The following CPQ variants were observed in gnomAD, a reference collection of about 807,000 sequenced individuals.
CPQ encodes carboxypeptidase Q, also known as Ser-Met dipeptidase.
In CPQ, 37 loss-of-function variants were observed where a neutral mutation model predicts 45.7. The ratio of observed to expected loss-of-function variants is 0.81; its 90% CI spans 0.62 to 1.07. The LOEUF (loss-of-function observed/expected upper bound fraction) is 1.07, where lower values mean the gene tolerates loss of function less well. Ranked by LOEUF, CPQ falls within the 50% of genes least tolerant of loss-of-function variation. The pLI is 0.00. For missense variants in CPQ, 537 were observed against 572.9 expected (o/e 0.94, Z 0.64); for synonymous variants, 186 against 205.8 (o/e 0.90, Z 0.82).
chr8:96,650,065 C>T (rs1317166929), intron 1 of CPQ, among the ~76,000 whole-genome samples: 1 of 152,222 alleles, frequency 6.6e-6, no homozygotes, highest in Non-Finnish European at 1.5e-5. Context: ...GAAATTTGAG[C>T]TGGCGCTTCC....
At chr8:96,759,967 C>G (rs1003897412) in intron 1 of CPQ, among the ~76,000 whole-genome samples, 1 of 152,200 alleles carries the variant, frequency 6.6e-6, no homozygotes, top group East Asian at 1.9e-4. Context: ...GGTTACGTAA[C>G]TTGGTCCAAG....
chr8:96,672,442 A>G (rs897685122), intron 1 of CPQ, among the ~76,000 whole-genome samples: 1 of 152,202 alleles, frequency 6.6e-6, no homozygotes, highest in African/African-American at 2.4e-5. Flanking sequence ...TGGATAAATT[A>G]ATTTTATAGC....
At chr8:97,128,871 G>A (rs577242447) in intron 7 of CPQ, among the ~76,000 whole-genome samples, 1 of 152,300 alleles carries the variant, frequency 6.6e-6, no homozygotes, top group South Asian at 2.1e-4. Context: ...ATTAGATGAT[G>A]GTTGGACTAG....
chr8:96,743,299 G>A (rs931294102), intron 1 of CPQ, among the ~76,000 whole-genome samples: 2 of 151,462 alleles, frequency 1.3e-5, no homozygotes, highest in African/African-American at 4.9e-5. Flanking sequence ...TCTTCACGTA[G>A]TTCTCGAGCC....
At chr8:96,968,168 T>C (rs1401827325) in intron 5 of CPQ, among the ~76,000 whole-genome samples, 1 of 152,214 alleles carries the variant, frequency 6.6e-6, no homozygotes, top group Non-Finnish European at 1.5e-5. Context: ...TAAAATATCC[T>C]TTCCCTTTAC....
intron 4 of CPQ, among the ~76,000 whole-genome samples, chr8:96,880,955 A>G (rs186902583): frequency 1.1e-3 from 172 of 152,300 alleles, no homozygotes; most frequent in Non-Finnish European, 1.9e-3. Flanking sequence ...TGACTGAAGA[A>G]GGGCAGGAGT....
intron 5 of CPQ, 165 bp downstream of exon 5, chr8:96,966,211 TA>T: frequency 3.8e-6 from 2 of 523,156 alleles, no homozygotes; most frequent in East Asian, 6.3e-5. Flanking sequence ...AAGAAATTTT[TA>T]TTCATGTGTA....
intron 1 of CPQ, among the ~76,000 whole-genome samples, chr8:96,734,862 A>T (rs943659679): frequency 6.6e-6 from 1 of 151,878 alleles, no homozygotes; most frequent in Non-Finnish European, 1.5e-5. Context: ...CTATTTATCT[A>T]CTACTCCTTC....
At chr8:96,768,812 C>T (rs866726901) in intron 1 of CPQ, among the ~76,000 whole-genome samples, 21 of 151,988 alleles carry the variant, frequency 1.4e-4, no homozygotes, top group Non-Finnish European at 2.2e-4. Context: ...TTAGTGTTTA[C>T]GGGAAGGGGA....
chr8:96,724,525 A>ACACACACC (rs1040690569), intron 1 of CPQ, among the ~76,000 whole-genome samples: 1 of 142,682 alleles, frequency 7.0e-6, no homozygotes, highest in African/African-American at 2.6e-5. Flanking sequence ...ACACACACAC[A>ACACACACC]CCCCTAGGAA....
At chr8:96,771,930 A>G (rs187042915) in intron 1 of CPQ, among the ~76,000 whole-genome samples, 16 of 152,132 alleles carry the variant, frequency 1.1e-4, no homozygotes, top group African/African-American at 3.6e-4. Flanking sequence ...GGGTTCAAAC[A>G]TGGATTCTAC....
intron 1 of CPQ, among the ~76,000 whole-genome samples, chr8:96,758,675 AT>A (rs1810358259): frequency 1.3e-5 from 2 of 152,176 alleles, no homozygotes; most frequent in Non-Finnish European, 2.9e-5. Context: ...TAAGCTAGGC[AT>A]CTCAAGTAGC....
intron 6 of CPQ, among the ~76,000 whole-genome samples, chr8:97,065,679 C>T (rs1375517373): frequency 6.6e-6 from 1 of 152,176 alleles, no homozygotes; most frequent in African/African-American, 2.4e-5. Flanking sequence ...TATACTGGAA[C>T]ACAGTGAACA....
At chr8:96,773,781 T>A (rs1810575044) in intron 1 of CPQ, among the ~76,000 whole-genome samples, 1 of 152,172 alleles carries the variant, frequency 6.6e-6, no homozygotes, top group African/African-American at 2.4e-5. Flanking sequence ...GCCTCTAGGA[T>A]GGCACCCTGT....
At chr8:96,846,088 G>T (rs146513184) in intron 3 of CPQ, among the ~76,000 whole-genome samples, 7 of 152,182 alleles carry the variant, frequency 4.6e-5, no homozygotes, top group Admixed American at 2.0e-4. Context: ...AAAATGCTGG[G>T]ATTGCAGGCA....
chr8:96,861,041 G>A (rs1394409146), intron 3 of CPQ, among the ~76,000 whole-genome samples: 1 of 152,014 alleles, frequency 6.6e-6, no homozygotes, highest in East Asian at 1.9e-4. Context: ...CTTTCTTCTG[G>A]ACTTATTTAT....
intron 7 of CPQ, among the ~76,000 whole-genome samples, chr8:97,088,157 T>C (rs1371738740): frequency 6.6e-6 from 1 of 152,188 alleles, no homozygotes; most frequent in Non-Finnish European, 1.5e-5. Context: ...ATATTAATGG[T>C]GAAGTAGAAA....
At chr8:96,829,812 A>AT (rs1811428622) in intron 2 of CPQ, among the ~76,000 whole-genome samples, 1 of 151,922 alleles carries the variant, frequency 6.6e-6, no homozygotes, top group Admixed American at 6.6e-5. Context: ...TTGTTTACTT[A>AT]TTTTTTTCTC....
At chr8:97,025,461 A>G (rs1425994885) in intron 5 of CPQ, among the ~76,000 whole-genome samples, 2 of 152,148 alleles carry the variant, frequency 1.3e-5, no homozygotes, top group African/African-American at 2.4e-5. Flanking sequence ...CTATATATTT[A>G]TAGGAGAACC....
Sources: allele counts gnomAD v4.1 joint callset (sites outside exome capture counted in the v4.1 genomes callset), GRCh38; gene constraint gnomAD v4.1.1; transcripts MANE v1.5; gene names NCBI Gene and HGNC (gene_info 2026-07-23, HGNC 2026-07-21).